The following GRIP1 variants were observed in gnomAD, a reference collection of about 807,000 sequenced individuals.
GRIP1 encodes the protein glutamate receptor interacting protein 1.
GRIP1 carries 45 observed loss-of-function variants against 129.9 expected under a neutral mutation model. The observed-to-expected ratio is 0.35, with a 90% CI of 0.27 to 0.44. The LOEUF is 0.44. Ranked by LOEUF, GRIP1 falls within the 20% of genes least tolerant of loss-of-function variation. The probability of loss-of-function intolerance (pLI) is 1.00; values close to 1 mark genes in which losing one functional copy is unlikely to be tolerated. For missense variants in GRIP1, 1,196 were observed against 1,396.8 expected (o/e 0.86, Z 2.29); for synonymous variants, 530 against 520.8 (o/e 1.02, Z -0.24).
chr12:66,868,872 T>C (rs1385473710), intron 1 of GRIP1, among the ~76,000 whole-genome samples: 2 of 152,050 alleles, frequency 1.3e-5, no homozygotes, highest in Non-Finnish European at 2.9e-5. Context: ...CAGCGAAACA[T>C]GAGGACAAAA....
chr12:66,643,514 A>C (rs184026655), intron 1 of GRIP1, among the ~76,000 whole-genome samples: 1 of 152,168 alleles, frequency 6.6e-6, no homozygotes, highest in Admixed American at 6.5e-5. Context: ...TTTGCCTAGA[A>C]AAAAGGGAAA....
intron 4 of GRIP1, among the ~76,000 whole-genome samples, chr12:66,533,876 CACA>C (rs1565836231): frequency 7.0e-5 from 10 of 142,862 alleles, no homozygotes; most frequent in African/African-American, 2.1e-4. Flanking sequence ...CACACACACA[CACA>C]TACACACACT....
intron 1 of GRIP1, among the ~76,000 whole-genome samples, chr12:66,622,235 G>A (rs1371723126): frequency 6.6e-6 from 1 of 151,930 alleles, no homozygotes; most frequent in East Asian, 1.9e-4. Context: ...TATGCTACAA[G>A]TCACTTTTGC....
intron 7 of GRIP1, among the ~76,000 whole-genome samples, chr12:66,500,189 T>C (rs764170287): frequency 6.6e-6 from 1 of 152,182 alleles, no homozygotes; most frequent in Non-Finnish European, 1.5e-5. Context: ...ATCATCACAA[T>C]AACCATAGGA....
chr12:66,703,011 A>G (rs2035403583), intron 1 of GRIP1, among the ~76,000 whole-genome samples: 1 of 152,192 alleles, frequency 6.6e-6, no homozygotes, highest in African/African-American at 2.4e-5. Context: ...GGACCTTTGG[A>G]AGATGGACAT....
chr12:67,028,568 C>T (rs539775879), intron 1 of GRIP1, among the ~76,000 whole-genome samples: 47 of 152,282 alleles, frequency 3.1e-4, no homozygotes, highest in African/African-American at 8.7e-4. Context: ...ATCCTATAGA[C>T]GTTTATGAAT....
chr12:66,466,050 T>C (rs1406801588), intron 7 of GRIP1, among the ~76,000 whole-genome samples: 1 of 152,188 alleles, frequency 6.6e-6, no homozygotes, highest in Non-Finnish European at 1.5e-5. Flanking sequence ...TACACTAAGT[T>C]GAATTTGTAA....
intron 1 of GRIP1, among the ~76,000 whole-genome samples, chr12:66,857,312 G>C (rs552284918): frequency 2.0e-5 from 3 of 151,940 alleles, no homozygotes; most frequent in African/African-American, 7.2e-5. Flanking sequence ...AAACCTGCAC[G>C]TTGTGCACAT....
At chr12:66,363,085 A>G (rs1183966669) in intron 23 of GRIP1, among the ~76,000 whole-genome samples, 2 of 149,816 alleles carry the variant, frequency 1.3e-5, no homozygotes, top group Non-Finnish European at 3.0e-5. Flanking sequence ...TGGCTGATAT[A>G]TCACATATCA....
intron 1 of GRIP1, among the ~76,000 whole-genome samples, chr12:66,617,286 GAA>G (rs63275262): frequency 0.46 from 48,020 of 103,632 alleles, 8,709 homozygotes; most frequent in African/African-American, 0.53. Flanking sequence ...CAGCCAACAA[GAA>G]AAAAAAAAAA....
intron 1 of GRIP1, among the ~76,000 whole-genome samples, chr12:67,063,469 T>C (rs1486484477): frequency 1.3e-5 from 2 of 152,162 alleles, no homozygotes; most frequent in East Asian, 3.8e-4. Flanking sequence ...AATAAGTAGA[T>C]TTTTTATATT....
chr12:66,502,944 A>G (rs2060430434), intron 7 of GRIP1, among the ~76,000 whole-genome samples: 3 of 152,206 alleles, frequency 2.0e-5, no homozygotes, highest in Admixed American at 2.0e-4. Flanking sequence ...AAATTGTTAC[A>G]TGAAGTTAGG....
At chr12:66,775,967 T>C (rs1215994724) in intron 1 of GRIP1, among the ~76,000 whole-genome samples, 1 of 152,216 alleles carries the variant, frequency 6.6e-6, no homozygotes, top group Non-Finnish European at 1.5e-5. Flanking sequence ...AAATGGAACA[T>C]TTGTTACTAT....
At position 66,349,234 on chromosome 12, in the gene GRIP1, G is replaced by A. The variant is rs760016382; in HGVS notation, c.3172C>T (p.Arg1058Ter). 5 of 1,613,154 alleles carry A rather than the reference G, an allele frequency of 3.1e-6. No homozygotes were observed. Among genetic ancestry groups the A allele is most frequent in the East Asian group, 2.2e-5 (1 of 44,866 alleles). The change falls in exon 25 of 25, where the codon CGA becomes TGA. Residue 1058 changes from arginine (R) to a stop codon, truncating the protein, a stop_gained. Transcript: ENST00000359742. LOFTEE classifies it high-confidence loss of function. ...AGGCAGCAGTCAAAGTCTCTGGTTC[G>A]GACATGATTCACCTGAAAGGTCAAG... ...YDRLLQVNHV[R>*]TRDFDCCLVV...
intron 1 of GRIP1, among the ~76,000 whole-genome samples, chr12:67,060,485 A>G (rs561776151): frequency 4.4e-4 from 67 of 152,254 alleles, no homozygotes; most frequent in African/African-American, 1.6e-3. Context: ...AGCAGTTTAC[A>G]TGTAGTTATA....
At chr12:66,672,461 G>C (rs2136239312) in intron 1 of GRIP1, among the ~76,000 whole-genome samples, 1 of 152,138 alleles carries the variant, frequency 6.6e-6, no homozygotes, top group East Asian at 1.9e-4. Flanking sequence ...CATCCTTTAA[G>C]GAGCTACATG....
intron 1 of GRIP1, among the ~76,000 whole-genome samples, chr12:66,605,072 T>C (rs1405342732): frequency 1.3e-5 from 2 of 150,446 alleles, no homozygotes; most frequent in East Asian, 1.9e-4. Flanking sequence ...TATACATATA[T>C]ATATATTCAC....
chr12:66,998,470 T>C (rs1038597266), intron 1 of GRIP1, among the ~76,000 whole-genome samples: 8 of 152,142 alleles, frequency 5.3e-5, no homozygotes, highest in African/African-American at 1.9e-4. Flanking sequence ...TGGCTAGCTC[T>C]CATTTTAAAT....
intron 1 of GRIP1, among the ~76,000 whole-genome samples, chr12:67,013,262 A>T (rs531016755): frequency 1.3e-5 from 2 of 152,308 alleles, no homozygotes; most frequent in East Asian, 3.9e-4. Flanking sequence ...TTAAAAATTA[A>T]TCTGGGTTTT....
Sources: gnomAD v4.1 joint callset for allele counts (sites outside exome capture counted in the v4.1 genomes callset) on GRCh38, gnomAD v4.1.1 for gene constraint, MANE v1.5 for transcripts, NCBI Gene and HGNC (gene_info 2026-07-23, HGNC 2026-07-21) for gene names.